FSTL4: variants seen among roughly 807,000 people sequenced by gnomAD.
FSTL4 encodes follistatin-related protein 4.
A neutral mutation model predicts 78.2 loss-of-function variants in FSTL4; 28 were observed. That is an observed-to-expected ratio of 0.36 (90% CI 0.27 to 0.49). The LOEUF (loss-of-function observed/expected upper bound fraction) is 0.49. FSTL4 is among the 20% of genes least tolerant of loss of function. FSTL4 has a pLI of 0.98. For missense variants in FSTL4, 922 were observed against 1,084.9 expected (o/e 0.85, Z 2.11); for synonymous variants, 422 against 440.5 (o/e 0.96, Z 0.53).
intron 6 of FSTL4, chr5:133,270,212 C>G (rs1032660204): frequency 6.6e-6 from 1 of 152,194 alleles, no homozygotes; most frequent in African/African-American, 2.4e-5. Context: ...AAGCACACCA[C>G]CCATTTCGCT....
intron 3 of FSTL4, among the ~76,000 whole-genome samples, chr5:133,510,038 T>C (rs1361665062): frequency 6.6e-6 from 1 of 152,260 alleles, no homozygotes; most frequent in African/African-American, 2.4e-5. Context: ...TAGTGCCCAC[T>C]GTATGCTAGG....
At chr5:133,698,355 C>G in the FSTL4 span, among the ~76,000 whole-genome samples, 95 of 152,298 alleles carry the variant, frequency 6.2e-4, no homozygotes, top group African/African-American at 2.1e-3. Flanking sequence ...GACAGACAGA[C>G]AGGGACAGTC....
chr5:133,242,647 G>A (rs573206461), intron 7 of FSTL4, among the ~76,000 whole-genome samples: 1 of 152,262 alleles, frequency 6.6e-6, no homozygotes, highest in African/African-American at 2.4e-5. Flanking sequence ...TCCACAGGCT[G>A]GAGTACCATA....
chr5:133,405,012 G>T (rs1024948223), intron 3 of FSTL4, among the ~76,000 whole-genome samples: 2 of 152,226 alleles, frequency 1.3e-5, no homozygotes, highest in Non-Finnish European at 2.9e-5. Context: ...CTGCTGGCAC[G>T]TTCTTCCCAA....
chr5:133,632,693 T>C, the FSTL4 span, among the ~76,000 whole-genome samples: 1 of 152,212 alleles, frequency 6.6e-6, no homozygotes, highest in Non-Finnish European at 1.5e-5. Context: ...TTTTTGTTGT[T>C]GTTTTCTTTT....
the FSTL4 span, among the ~76,000 whole-genome samples, chr5:133,791,416 C>T: frequency 6.1e-4 from 93 of 152,170 alleles, 1 homozygote; most frequent in African/African-American, 2.0e-3. Context: ...TGTCTGCTTC[C>T]CCTTGGTAGA....
chr5:133,213,434 T>A (rs1750807812), intron 13 of FSTL4, among the ~76,000 whole-genome samples: 1 of 152,208 alleles, frequency 6.6e-6, no homozygotes, highest in African/African-American at 2.4e-5. Context: ...GAATATAAAT[T>A]AATGTCCTGT....
In FSTL4 at chr5:133,521,524, G is replaced by C. The variant is rs183910709; in HGVS notation, c.160+45662C>G. Among the ~76,000 whole-genome samples, 14 of 152,276 alleles carry C rather than the reference G, an allele frequency of 9.2e-5. No individual in the cohort carries two copies. In the East Asian group the frequency reaches 2.5e-3, roughly 27 times the overall value. On this transcript the variant is annotated intron_variant, in intron 3 of 15. Coordinates refer to ENST00000265342, the MANE Select transcript of FSTL4 (RefSeq NM_015082.2). ...CACCCTATCTTCAGCACCGGGGAGA[G>C]TGCCTGGCATCTAGTTGGCTCTCAG...
At chr5:133,742,138 T>C in the FSTL4 span, among the ~76,000 whole-genome samples, 1 of 152,230 alleles carries the variant, frequency 6.6e-6, no homozygotes, top group African/African-American at 2.4e-5. Flanking sequence ...CGGGTCCACA[T>C]GGTGACACAG....
rs548963422 is a variant in FSTL4 at position 133,600,431 on chromosome 5, G to A, written c.126+3427C>T. 4.2e-4 allele frequency among the ~76,000 whole-genome samples: 61 copies of A among 145,830 alleles called. No individual in the cohort carries two copies. In the East Asian group the frequency reaches 7.8e-3, roughly 19 times the overall value. ...ATCTGTGTAGGATAAAGGGGGGGGG[G>A]ATATAACAACATTTCATTATTTCAA... On this transcript the variant is annotated intron_variant, in intron 2 of 15. Transcript: ENST00000265342.
At chr5:133,695,229 T>C in the FSTL4 span, among the ~76,000 whole-genome samples, 1 of 152,138 alleles carries the variant, frequency 6.6e-6, no homozygotes. Flanking sequence ...CCACCAGCAA[T>C]GAAGCTTCGC....
chr5:133,583,369 G>T, intron 2 of FSTL4: 1 of 373,244 alleles, frequency 2.7e-6, no homozygotes, highest in Non-Finnish European at 5.3e-6. Flanking sequence ...GGTGATTTCT[G>T]CATTTCCATC....
chr5:133,482,404 A>AT (rs1758046195), intron 3 of FSTL4, among the ~76,000 whole-genome samples: 1 of 152,216 alleles, frequency 6.6e-6, no homozygotes, highest in Non-Finnish European at 1.5e-5. Context: ...CCCATGAAAC[A>AT]TAACTGGCAA....
intron 4 of FSTL4, among the ~76,000 whole-genome samples, chr5:133,394,072 T>A (rs1312817549): frequency 6.6e-6 from 1 of 152,246 alleles, no homozygotes; most frequent in African/African-American, 2.4e-5. Context: ...CAGCAAAGGC[T>A]GGGCCCTGGC....
At chr5:133,839,080 C>T in the FSTL4 span, among the ~76,000 whole-genome samples, 2 of 152,240 alleles carry the variant, frequency 1.3e-5, no homozygotes, top group African/African-American at 4.8e-5. Context: ...GAAAAGACTG[C>T]CGTGACTGTG....
chr5:133,608,846 A>C (rs557505807), intron 1 of FSTL4, among the ~76,000 whole-genome samples: 1 of 152,236 alleles, frequency 6.6e-6, no homozygotes, highest in Non-Finnish European at 1.5e-5. Context: ...ATAGGTATTC[A>C]TATGAAAATA....
the FSTL4 span, among the ~76,000 whole-genome samples, chr5:133,620,888 T>C: frequency 2.0e-5 from 3 of 152,164 alleles, no homozygotes; most frequent in Non-Finnish European, 2.9e-5. Flanking sequence ...CTTAAAGAAC[T>C]AAAAGTAGAA....
intron 4 of FSTL4, among the ~76,000 whole-genome samples, chr5:133,331,382 A>T (rs1754342873): frequency 6.6e-6 from 1 of 152,110 alleles, no homozygotes; most frequent in Admixed American, 6.5e-5. Flanking sequence ...ACAAGCAGAG[A>T]TTCTGGTCCT....
At chr5:133,828,663 A>G in the FSTL4 span, among the ~76,000 whole-genome samples, 2 of 152,224 alleles carry the variant, frequency 1.3e-5, no homozygotes, top group Non-Finnish European at 2.9e-5. Flanking sequence ...CAAGGGGGAC[A>G]CCGGACTGCT....
Sources: gnomAD v4.1 joint callset for allele counts (sites outside exome capture counted in the v4.1 genomes callset) on GRCh38, gnomAD v4.1.1 for gene constraint, MANE v1.5 for transcripts, NCBI Gene and HGNC (gene_info 2026-07-23, HGNC 2026-07-21) for gene names.